Variants in VPS53 observed in about 807,000 individuals in gnomAD.
VPS53 encodes the protein vacuolar protein sorting-associated protein 53 homolog.
In VPS53, 70 loss-of-function variants were observed where a neutral mutation model predicts 107.0. That is an observed-to-expected ratio of 0.65 (90% CI 0.54 to 0.80). The LOEUF (loss-of-function observed/expected upper bound fraction) is 0.80. Among genes scored for constraint, VPS53 ranks in the 30% least tolerant of loss-of-function variants. VPS53 has a pLI of 0.00. For synonymous variants in VPS53, 409 were observed against 393.3 expected, an observed-to-expected ratio of 1.04 and a Z score of -0.47; for missense variants, 917 against 1,049.4, an observed-to-expected ratio of 0.87 and a Z score of 1.74.
chr17:713,952 G>A (rs1354880583), intron 1 of VPS53, among the ~76,000 whole-genome samples: 1 of 151,090 alleles, frequency 6.6e-6, no homozygotes, highest in Non-Finnish European at 1.5e-5. Flanking sequence ...GGCTGAGACA[G>A]GAGAATCGCT....
intron 7 of VPS53, among the ~76,000 whole-genome samples, chr17:650,061 G>C (rs949385775): frequency 6.6e-6 from 1 of 152,192 alleles, no homozygotes; most frequent in African/African-American, 2.4e-5. Flanking sequence ...CATGGCAGCA[G>C]ATCTAGAAGA....
chr17:519,534 G>A lies in VPS53; in HGVS notation c.2329-236C>T, dbSNP rs1908560183. On this transcript the variant is annotated intron_variant, in intron 21 of 21. Coordinates refer to ENST00000437048, the MANE Select transcript of VPS53 (RefSeq NM_001128159.3). The surrounding 1 kb of genome is among the most constrained non-coding windows in gnomAD (Gnocchi z 5.0). ...AAAGAAGCGGCTGACAGAGGAGAAAGGACAGGTCAAGAAGGTGGGAAGGAC... is the reference window on the plus strand; with the variant it reads ...AAAGAAGCGGCTGACAGAGGAGAAAAGACAGGTCAAGAAGGTGGGAAGGAC... Among the ~76,000 whole-genome samples, 1 of 152,164 alleles carries A rather than the reference G, an allele frequency of 6.6e-6. No individual in the cohort carries two copies. The highest frequency in any genetic ancestry group is 1.5e-5 in the Non-Finnish European group (1 of 68,034).
At chr17:526,501 G>C (rs547605675) in intron 19 of VPS53, among the ~76,000 whole-genome samples, 1 of 152,336 alleles carries the variant, frequency 6.6e-6, no homozygotes, top group South Asian at 2.1e-4. Context: ...AGTCAGAAAA[G>C]GCGGGAATGA....
intron 17 of VPS53, among the ~76,000 whole-genome samples, chr17:549,056 G>A (rs554994136): frequency 2.8e-4 from 42 of 152,130 alleles, no homozygotes; most frequent in African/African-American, 8.9e-4. Flanking sequence ...CACATCTCTT[G>A]CCCTCAGCTA....
Position 653,322 on chromosome 17 carries a change from C to T in VPS53, c.577G>A (p.Gly193Arg). ...GAAAGCTGCCGGATCTGCGGAATCC[C>T]CATATACTTGTGGAAGTGCTCCAGG... ...NVLEHFHKYM[G>R]IPQIRQLSER... is the part of the protein sequence containing the mutation. Residue 193 changes from glycine (G) to arginine (R), a missense_variant, in exon 7 of 22, where the codon GGG (glycine) becomes AGG (arginine). Coordinates refer to ENST00000437048, the MANE Select transcript of VPS53 (RefSeq NM_001128159.3). 1.2e-6 allele frequency: 2 copies of T among 1,614,150 alleles called. No individual in the cohort carries two copies. Among genetic ancestry groups the T allele is most frequent in the Non-Finnish European group, 8.5e-7 (1 of 1,180,040 alleles).
intron 6 of VPS53, among the ~76,000 whole-genome samples, chr17:654,087 C>T (rs565404521): frequency 6.6e-5 from 10 of 152,184 alleles, no homozygotes; most frequent in East Asian, 3.9e-4. Flanking sequence ...CCCAGCTACT[C>T]GGGAGGCTGA....
intron 19 of VPS53, among the ~76,000 whole-genome samples, chr17:529,176 G>A (rs535302306): frequency 6.6e-6 from 1 of 152,030 alleles, no homozygotes. Context: ...CATAAATCAA[G>A]TATCTACACA....
rs770840396 is a variant in VPS53 at position 521,619 on chromosome 17, C to T, written c.2205G>A (p.Arg735=). 1.3e-6 allele frequency: 2 copies of T among 1,549,866 alleles called. No individual in the cohort carries two copies. Among genetic ancestry groups the T allele is most frequent in the South Asian group, 1.2e-5 (1 of 83,722 alleles). The change falls in exon 20 of 22, where the codon CGG becomes CGA. Residue 735 remains arginine (R), a synonymous_variant. Coordinates refer to ENST00000437048, the MANE Select transcript of VPS53 (RefSeq NM_001128159.3). ...YTKIVVKGMT[R]AEMILKVVMA... is the part of the protein sequence containing the mutation. ...CCATCACCTTGAGGATCATCTCAGC[C>T]CGGGTCATGCCTTTGACAACGATCT...
rs530193676 is a variant in VPS53, at chr17:532,277, G to T, written c.2085+565C>A. ...TTCCAAGTTTTTTGCTAGTTTTTTT[G>T]TTTGTTTGTTTTTTTGAGATGGAGT... On this transcript the variant is annotated intron_variant, in intron 19 of 21. Transcript: ENST00000437048. The T allele has an allele frequency of 4.4e-3, 662 of 149,320 alleles. 6 individuals are homozygous for T. The highest frequency in any genetic ancestry group is 6.8e-3 in the Non-Finnish European group (463 of 67,602). The allele number at this position is 149,320 out of a possible 1,614,324, so 9.2% of individuals were successfully genotyped here. A position where few individuals can be genotyped will look rare whatever the true frequency, so the allele number is the denominator to read the frequency against.
intron 2 of VPS53, among the ~76,000 whole-genome samples, chr17:699,769 CG>C (rs1330883977): frequency 6.6e-6 from 1 of 152,136 alleles, no homozygotes; most frequent in African/African-American, 2.4e-5. Flanking sequence ...GACAAATTCA[CG>C]TAACGAAATA....
chr17:591,532 C>G lies in VPS53; in HGVS notation c.1219-5168G>C, dbSNP rs557335780. Among the ~76,000 whole-genome samples, 648 of 152,198 alleles carry G rather than the reference C, an allele frequency of 4.3e-3. 3 individuals are homozygous for G. The highest frequency in any genetic ancestry group is 0.014 in the Middle Eastern group (4 of 294). ...TGGGCATTTAGTGCTACAAATTTCCCTCTACACACTGCTTTGAATGTGTCC... is the reference window on the plus strand; with the variant it reads ...TGGGCATTTAGTGCTACAAATTTCCGTCTACACACTGCTTTGAATGTGTCC... On this transcript the variant is annotated intron_variant, in intron 12 of 21. Transcript: ENST00000437048.
intron 15 of VPS53, among the ~76,000 whole-genome samples, chr17:556,432 A>G (rs1373638356): frequency 6.6e-6 from 1 of 152,272 alleles, no homozygotes; most frequent in Admixed American, 6.5e-5. Context: ...GGAACCATAC[A>G]AACGATCTTT....
intron 11 of VPS53, among the ~76,000 whole-genome samples, chr17:603,876 C>T (rs9910574): frequency 0.24 from 35,825 of 152,020 alleles, 4,413 homozygotes; most frequent in Admixed American, 0.32. Context: ...TCTTCAACAA[C>T]CATAAAAAAA....
chr17:593,082 G>C (rs1411016240), intron 12 of VPS53, among the ~76,000 whole-genome samples: 1 of 152,212 alleles, frequency 6.6e-6, no homozygotes, highest in Non-Finnish European at 1.5e-5. Context: ...TTAATAAATG[G>C]TGCTGGGAAA....
intron 13 of VPS53, among the ~76,000 whole-genome samples, chr17:577,405 A>G (rs1249214493): frequency 6.6e-6 from 1 of 151,756 alleles, no homozygotes; most frequent in African/African-American, 2.4e-5. Flanking sequence ...ATGCGTTACC[A>G]CAGAGCCTCC....
In VPS53 at chr17:627,311, G is replaced by A; in HGVS notation, c.837C>T (p.Ala279=). The A allele has an allele frequency of 1.2e-6, 2 of 1,613,112 alleles. No individual in the cohort carries two copies. The highest frequency in any genetic ancestry group is 1.7e-6 in the Non-Finnish European group (2 of 1,179,628). The change falls in exon 10 of 22, where the codon GCC becomes GCT. Residue 279 remains alanine (A), a synonymous_variant. Transcript: ENST00000437048. ...AGCGTCTGTCGATTTTGTCCAGCCA[G>A]GCAACCTGGTGAAGGTGGAGATCAA... is the stretch of plus-strand genomic sequence containing the variant. ...LVLFQENQDV[A]WLDKIDRRYA...
chr17:709,295 T>A (rs1416940592), intron 2 of VPS53, among the ~76,000 whole-genome samples: 1 of 152,108 alleles, frequency 6.6e-6, no homozygotes, highest in Admixed American at 6.6e-5. Flanking sequence ...TTTGTTGGTT[T>A]ATTTCTTGTC....
chr17:635,478 A>G (rs1227885524), intron 7 of VPS53, among the ~76,000 whole-genome samples: 2 of 152,186 alleles, frequency 1.3e-5, no homozygotes, highest in African/African-American at 4.8e-5. Context: ...GCCCATGCCT[A>G]TGTCCTGAAT....
At chr17:670,729 C>A (rs954150284) in intron 4 of VPS53, among the ~76,000 whole-genome samples, 3 of 152,108 alleles carry the variant, frequency 2.0e-5, no homozygotes, top group African/African-American at 7.2e-5. Flanking sequence ...GATTTTAAAC[C>A]GAGATCCCCT....
Sources: gnomAD v4.1 joint callset for allele counts (sites outside exome capture counted in the v4.1 genomes callset) on GRCh38, gnomAD v4.1.1 for gene constraint, Gnocchi (gnomAD v3.1) non-coding constraint, MANE v1.5 for transcripts, NCBI Gene and HGNC (gene_info 2026-07-23, HGNC 2026-07-21) for gene names.